CNBD1: variants seen among roughly 807,000 people sequenced by gnomAD.
The protein encoded by CNBD1 is cyclic nucleotide-binding domain-containing protein 1.
Under a neutral mutation model 54.4 loss-of-function variants are expected in CNBD1, and 71 were observed. That is an observed-to-expected ratio of 1.30 (90% confidence interval 1.08 to 1.59). CNBD1 has a LOEUF of 1.59. Among genes scored for constraint, CNBD1 ranks in the 40% most tolerant of loss-of-function variants. The probability of loss-of-function intolerance (pLI) is 0.00; values close to 1 mark genes in which losing one functional copy is unlikely to be tolerated. For synonymous variants in CNBD1, 182 were observed against 170.7 expected (o/e 1.07, Z -0.51); for missense variants, 659 against 518.0 (o/e 1.27, Z -2.64).
At chr8:87,384,516 G>T (rs1375740483), downstream of CNBD1, among the ~76,000 whole-genome samples, 1 of 152,166 alleles carries the variant, frequency 6.6e-6, no homozygotes, top group African/African-American at 2.4e-5. Context: ...GCGGATCTCA[G>T]TTTGAATGTT....
At chr8:87,317,832 G>C (rs1809424680) in intron 8 of CNBD1, among the ~76,000 whole-genome samples, 1 of 151,662 alleles carries the variant, frequency 6.6e-6, no homozygotes, top group Non-Finnish European at 1.5e-5. Flanking sequence ...CATAAGATTA[G>C]GCTCACTGAA....
At chr8:87,366,260 A>C (rs557667898) in intron 10 of CNBD1, among the ~76,000 whole-genome samples, 4 of 152,172 alleles carry the variant, frequency 2.6e-5, no homozygotes, top group African/African-American at 9.6e-5. Flanking sequence ...GCTGTGATCT[A>C]ATTTTAGGGC....
chr8:87,212,858 C>T (rs1814130494), intron 5 of CNBD1, among the ~76,000 whole-genome samples: 1 of 151,950 alleles, frequency 6.6e-6, no homozygotes. Context: ...TAATTTGGAC[C>T]TTATAAAAAT....
intron 4 of CNBD1, 135 bp from the exon 5 acceptor site, chr8:87,205,858 T>C: frequency 3.3e-6 from 2 of 601,464 alleles, no homozygotes; most frequent in Non-Finnish European, 5.0e-6. Flanking sequence ...AAAAATAGAA[T>C]AGCATCACAG....
At chr8:86,933,179 AG>A (rs1394926563) in intron 3 of CNBD1, among the ~76,000 whole-genome samples, 2 of 152,114 alleles carry the variant, frequency 1.3e-5, no homozygotes, top group Non-Finnish European at 2.9e-5. Flanking sequence ...ATAATTTCTG[AG>A]GCTCTCCATA....
At chr8:87,215,097 A>G (rs1814181097) in intron 5 of CNBD1, among the ~76,000 whole-genome samples, 1 of 152,198 alleles carries the variant, frequency 6.6e-6, no homozygotes, top group Non-Finnish European at 1.5e-5. Context: ...TCAATGAGTG[A>G]AGAAACTTTT....
At chr8:86,868,618 T>C (rs1040024840) in intron 1 of CNBD1, among the ~76,000 whole-genome samples, 7 of 152,080 alleles carry the variant, frequency 4.6e-5, no homozygotes, top group Admixed American at 3.3e-4. Context: ...AGGCGTGAGC[T>C]ACCACGCCCC....
chr8:86,955,892 T>C (rs1466128154), intron 4 of CNBD1, among the ~76,000 whole-genome samples: 1 of 152,336 alleles, frequency 6.6e-6, no homozygotes, highest in Admixed American at 6.5e-5. Context: ...GTTTTAGTCA[T>C]GAAGTCCTTG....
At chr8:86,878,720 C>T (rs1385929071) in intron 1 of CNBD1, among the ~76,000 whole-genome samples, 2 of 152,180 alleles carry the variant, frequency 1.3e-5, no homozygotes, top group Non-Finnish European at 2.9e-5. Context: ...CTGCATCCTT[C>T]AGAGCTGTAT....
chr8:86,996,518 A>G (rs564147149), intron 4 of CNBD1, among the ~76,000 whole-genome samples: 23 of 152,344 alleles, frequency 1.5e-4, no homozygotes, highest in African/African-American at 4.3e-4. Flanking sequence ...TTATACATCA[A>G]TTATTTGTAC....
chr8:87,311,102 G>A (rs1321854745), intron 8 of CNBD1, among the ~76,000 whole-genome samples: 1 of 152,026 alleles, frequency 6.6e-6, no homozygotes, highest in Non-Finnish European at 1.5e-5. Context: ...TGACAAGTGG[G>A]ACCTAAATTA....
chr8:86,881,987 A>G (rs1305190922), intron 1 of CNBD1, among the ~76,000 whole-genome samples: 1 of 152,218 alleles, frequency 6.6e-6, no homozygotes, highest in East Asian at 1.9e-4. Context: ...TATAAGCAGA[A>G]AATTGAAAGT....
intron 8 of CNBD1, among the ~76,000 whole-genome samples, chr8:87,340,513 C>T (rs534418576): frequency 6.6e-6 from 1 of 152,200 alleles, no homozygotes; most frequent in South Asian, 2.1e-4. Flanking sequence ...CTCTCTTCTC[C>T]TTTGGGAACT....
intron 8 of CNBD1, among the ~76,000 whole-genome samples, chr8:87,313,811 C>T (rs887782051): frequency 6.6e-6 from 1 of 151,766 alleles, no homozygotes; most frequent in African/African-American, 2.4e-5. Flanking sequence ...TAACATTTTA[C>T]CTACTCTTTT....
intron 4 of CNBD1, among the ~76,000 whole-genome samples, chr8:87,123,090 G>A (rs1811921593): frequency 6.6e-6 from 1 of 151,732 alleles, no homozygotes; most frequent in African/African-American, 2.4e-5. Context: ...AAATGCATTG[G>A]AATTTTGACA....
At chr8:87,318,772 T>G (rs1809455193) in intron 8 of CNBD1, among the ~76,000 whole-genome samples, 1 of 152,064 alleles carries the variant, frequency 6.6e-6, no homozygotes, top group Non-Finnish European at 1.5e-5. Context: ...ATATATATTG[T>G]ATCAGGCTGA....
chr8:87,228,033 C>T (rs1461249455), intron 5 of CNBD1, among the ~76,000 whole-genome samples: 26 of 151,772 alleles, frequency 1.7e-4, no homozygotes, highest in Non-Finnish European at 2.2e-4. Flanking sequence ...TTGATCGCAT[C>T]GGCTCCTGAG....
rs1185044811 is a variant in CNBD1, at chr8:86,887,525, A to T, written c.89-17A>T. 13 of 1,505,500 alleles carry T rather than the reference A, an allele frequency of 8.6e-6. No homozygotes were observed. Among genetic ancestry groups the T allele is most frequent in the Admixed American group, 2.0e-5 (1 of 48,788 alleles). The allele number at this position is 1,505,500 out of a possible 1,614,324, so 93.3% of individuals were successfully genotyped here. On this transcript the variant is annotated splice_polypyrimidine_tract_variant and intron_variant, in intron 1 of 10. Coordinates refer to ENST00000518476, the MANE Select transcript of CNBD1 (RefSeq NM_173538.3). ...ATTATGGAAAATTACTCAAATTTTTAATTGATTTTTTTTCAGACTTGAAAA... is the reference window on the plus strand; with the variant it reads ...ATTATGGAAAATTACTCAAATTTTTTATTGATTTTTTTTCAGACTTGAAAA...
Position 86,970,011 on chromosome 8 carries a change from A to G in CNBD1, c.431+30257A>G, listed in dbSNP as rs139167935. On this transcript the variant is annotated intron_variant, in intron 4 of 10. Transcript: ENST00000518476. Reference sequence around the variant, plus strand: ...CTGATGGCAAATTCTTTCAGATTTTATTTGTTCAGAAAATGCCTTTATTTT... The same window carrying G: ...CTGATGGCAAATTCTTTCAGATTTTGTTTGTTCAGAAAATGCCTTTATTTT... Among the ~76,000 whole-genome samples the G allele has an allele frequency of 3.9e-5, 6 of 151,948 alleles. No homozygotes were observed. In the East Asian group the frequency reaches 7.8e-4, roughly 20 times the overall value.
Sources: gnomAD v4.1 joint callset for allele counts (sites outside exome capture counted in the v4.1 genomes callset) on GRCh38, gnomAD v4.1.1 for gene constraint, MANE v1.5 for transcripts, NCBI Gene and HGNC (gene_info 2026-07-23, HGNC 2026-07-21) for gene names.